Variants in DNAJC13 observed in about 807,000 individuals in gnomAD.
The protein encoded by DNAJC13 is dnaJ homolog subfamily C member 13.
A neutral mutation model predicts 290.5 loss-of-function variants in DNAJC13; 75 were observed. That is an observed-to-expected ratio of 0.26 (90% confidence interval 0.21 to 0.31). DNAJC13 has a LOEUF of 0.31. DNAJC13 is among the 10% of genes least tolerant of loss of function. The pLI is 1.00. For synonymous variants in DNAJC13, 862 were observed against 892.0 expected, an observed-to-expected ratio of 0.97 and a Z score of 0.60; for missense variants, 2,260 against 2,674.5, an observed-to-expected ratio of 0.85 and a Z score of 3.42.
chr3:132,512,317 G>GA (rs1266458852), intron 44 of DNAJC13, among the ~76,000 whole-genome samples: 2 of 152,136 alleles, frequency 1.3e-5, no homozygotes, highest in African/African-American at 2.4e-5. Context: ...TAAGTGGTTT[G>GA]AAAATGAATT....
chr3:132,501,362 TGATGGCATGCGCC>T (rs1379040759), intron 39 of DNAJC13, among the ~76,000 whole-genome samples: 2 of 152,140 alleles, frequency 1.3e-5, no homozygotes, highest in African/African-American at 4.8e-5. Context: ...TAGCTGGGTA[TGATGGCATGCGCC>T]TGTAATCCTA....
At chr3:132,529,966 GTTGTC>G (rs1936367256) in intron 54 of DNAJC13, among the ~76,000 whole-genome samples, 2 of 152,142 alleles carry the variant, frequency 1.3e-5, no homozygotes, top group South Asian at 4.1e-4. Context: ...ACTTGCAGCA[GTTGTC>G]TTGTCTTTGA....
chr3:132,430,714 C>CTA (rs1400941804), intron 1 of DNAJC13, among the ~76,000 whole-genome samples: 1 of 152,112 alleles, frequency 6.6e-6, no homozygotes, highest in Non-Finnish European at 1.5e-5. Flanking sequence ...ATCCGTACAC[C>CTA]TATATATCTC....
chr3:132,447,300 C>CA, intron 3 of DNAJC13, 21 bp from the exon 4 acceptor site: 3 of 1,504,096 alleles, frequency 2.0e-6, no homozygotes, highest in African/African-American at 2.9e-5. Context: ...TAGCACCAGT[C>CA]AAAATTTTTT....
intron 34 of DNAJC13, 152 bp downstream of exon 34, chr3:132,494,411 G>A (rs1935165665): frequency 4.6e-6 from 3 of 656,818 alleles, no homozygotes; most frequent in Non-Finnish European, 7.9e-6. Flanking sequence ...CTATATCTGT[G>A]TGACTTTCAT....
rs1239197470 is a variant in DNAJC13, at chr3:132,417,605, GGCACCAGGAACCCGCGGCA to G, written c.-166_-148del. ...GGGGGCGGGGAGGCAGCGCCGCGGC[GGCACCAGGAACCCGCGGCA>G]GCGGAGCTGCAGGGCCCCGGCGGGG... On this transcript the variant is annotated 5_prime_UTR_variant, in exon 1 of 56. Transcript: ENST00000260818. 3.3e-5 allele frequency: 5 copies of G among 152,528 alleles called. No homozygotes were observed. The highest frequency in any genetic ancestry group is 4.4e-5 in the Non-Finnish European group (3 of 68,266). 9.4% of individuals were successfully genotyped at this position (152,528 alleles called of 1,614,324 possible).
chr3:132,492,468 T>C lies in DNAJC13; in HGVS notation c.3678T>C (p.Leu1226=), dbSNP rs1340348661. The C allele has an allele frequency of 6.2e-7, 1 of 1,613,932 alleles. No homozygotes were observed. Among genetic ancestry groups the C allele is most frequent in the Admixed American group, 1.7e-5 (1 of 60,000 alleles). The change falls in exon 33 of 56, where the codon CTT becomes CTC. Residue 1226 remains leucine (L), a synonymous_variant. Transcript: ENST00000260818. ...AAHLADFTPR[L]QSNTRALYQY... ...ATCTCGCGGATTTCACACCTCGTCTTCAGAGTAACACAAGAGCACTTTATC... is the reference window on the plus strand; with the variant it reads ...ATCTCGCGGATTTCACACCTCGTCTCCAGAGTAACACAAGAGCACTTTATC...
At chr3:132,501,319 T>A (rs1019860485) in intron 39 of DNAJC13, among the ~76,000 whole-genome samples, 2 of 152,128 alleles carry the variant, frequency 1.3e-5, no homozygotes, top group Non-Finnish European at 2.9e-5. Context: ...TGGCCAACAC[T>A]GCAGAACCCT....
In DNAJC13 at chr3:132,522,983, G is replaced by T. The variant is rs1345945280; in HGVS notation, c.5829G>T (p.Arg1943Ser). ...NSRDKVSTTV[R>S]EMMLEHFKNQ... Reference sequence around the variant, plus strand: ...GAGATAAAGTGTCCACAACAGTTAGGGAAATGATGCTAGAGTAAGTAAAAA... The same window carrying T: ...GAGATAAAGTGTCCACAACAGTTAGTGAAATGATGCTAGAGTAAGTAAAAA... The change falls in exon 49 of 56, where the codon AGG (arginine) becomes AGT (serine). Residue 1943 changes from arginine to serine, a missense_variant. This residue lies in a region of DNAJC13 where 1,494 missense variants were observed against 1,693.7 expected (regional missense o/e 0.88). Coordinates refer to ENST00000260818, the MANE Select transcript of DNAJC13 (RefSeq NM_015268.4). 6.2e-7 allele frequency: 1 copy of T among 1,609,238 alleles called. No individual in the cohort carries two copies. Among genetic ancestry groups the T allele is most frequent in the Non-Finnish European group, 8.5e-7 (1 of 1,178,720 alleles).
chr3:132,480,558 T>G (rs1336416024), intron 26 of DNAJC13, 88 bp downstream of exon 26: 32 of 977,522 alleles, frequency 3.3e-5, no homozygotes, highest in Non-Finnish European at 4.4e-5. Context: ...TGAAAAGATG[T>G]GGTCACACAC....
At chr3:132,419,265 C>T (rs1001929118) in intron 1 of DNAJC13, among the ~76,000 whole-genome samples, 1 of 152,106 alleles carries the variant, frequency 6.6e-6, no homozygotes, top group Non-Finnish European at 1.5e-5. Context: ...TGGAAAATAT[C>T]AGCATTTGTA....
chr3:132,528,832 A>G (rs1420810711), intron 54 of DNAJC13, among the ~76,000 whole-genome samples: 1 of 150,752 alleles, frequency 6.6e-6, no homozygotes, highest in Non-Finnish European at 1.5e-5. Flanking sequence ...AGCTGCACGT[A>G]TTTGCTGACT....
chr3:132,499,318 G>A lies in DNAJC13; in HGVS notation c.4341+8G>A, dbSNP rs1437114491. On this transcript the variant is annotated splice_region_variant and intron_variant, in intron 37 of 55. Coordinates refer to ENST00000260818, the MANE Select transcript of DNAJC13 (RefSeq NM_015268.4). The stretch of plus-strand genomic sequence containing the variant: ...AGAGAGAATGGACTAGAGGTAATAC[G>A]GAGTGACCTTTGTGCTTTTTAAGCC... 7.0e-6 allele frequency: 11 copies of A among 1,572,986 alleles called. No homozygotes were observed. Among genetic ancestry groups the A allele is most frequent in the Non-Finnish European group, 8.6e-6 (10 of 1,157,812 alleles).
intron 2 of DNAJC13, among the ~76,000 whole-genome samples, chr3:132,445,890 C>T (rs1462005317): frequency 1.3e-5 from 2 of 151,998 alleles, no homozygotes; most frequent in Non-Finnish European, 2.9e-5. Flanking sequence ...TGTTTTTTCT[C>T]CTTCAAATAT....
At chr3:132,442,866 CT>C (rs1392427352) in intron 2 of DNAJC13, among the ~76,000 whole-genome samples, 1 of 152,058 alleles carries the variant, frequency 6.6e-6, no homozygotes, top group Admixed American at 6.6e-5. Flanking sequence ...GGGCAAAGGT[CT>C]TTTTTCTGAT....
chr3:132,480,720 C>T (rs1934640468), intron 26 of DNAJC13, among the ~76,000 whole-genome samples: 1 of 152,098 alleles, frequency 6.6e-6, no homozygotes, highest in Admixed American at 6.6e-5. Context: ...TATCTTGAGG[C>T]AATGTGACTT....
chr3:132,512,542 C>T (rs1351245930), intron 44 of DNAJC13, among the ~76,000 whole-genome samples: 6 of 152,088 alleles, frequency 3.9e-5, no homozygotes, highest in Non-Finnish European at 8.8e-5. Flanking sequence ...TATGTATTTT[C>T]ACAAGGAGTG....
At chr3:132,495,831 C>T (rs1401267744) in intron 35 of DNAJC13, among the ~76,000 whole-genome samples, 1 of 151,834 alleles carries the variant, frequency 6.6e-6, no homozygotes, top group Non-Finnish European at 1.5e-5. Context: ...TAATAAAAAC[C>T]CTAGGGGTTT....
chr3:132,472,223 G>A (rs1934304001), intron 20 of DNAJC13, among the ~76,000 whole-genome samples: 1 of 152,054 alleles, frequency 6.6e-6, no homozygotes, highest in African/African-American at 2.4e-5. Flanking sequence ...GAGGGAGACC[G>A]TGGGGAGAGG....
Sources: gnomAD v4.1 joint callset for allele counts (sites outside exome capture counted in the v4.1 genomes callset) on GRCh38, gnomAD v4.1.1 for gene constraint, gnomAD v4.1.1 regional missense constraint, MANE v1.5 for transcripts, NCBI Gene and HGNC (gene_info 2026-07-23, HGNC 2026-07-21) for gene names.